MFSD12: variants seen among roughly 807,000 people sequenced by gnomAD.
The protein encoded by MFSD12 is major facilitator superfamily domain containing 12.
In MFSD12, 67 loss-of-function variants were observed where a neutral mutation model predicts 51.2. That is an observed-to-expected ratio of 1.31 (90% CI 1.08 to 1.60). The LOEUF is 1.60. MFSD12 is among the 40% of genes most tolerant of loss of function. MFSD12 has a pLI of 0.00. For synonymous variants in MFSD12, 441 were observed against 316.7 expected (o/e 1.39, Z -4.17); for missense variants, 921 against 673.0 (o/e 1.37, Z -4.08).
Position 3,544,819 on chromosome 19 carries a change from GCGGGT to G in MFSD12, c.1405_1409del (p.Thr469ProfsTer7). The G allele has an allele frequency of 1.9e-6, 3 of 1,612,478 alleles. No homozygotes were observed. Among genetic ancestry groups the G allele is most frequent in the Non-Finnish European group, 2.5e-6 (3 of 1,179,524 alleles). On this transcript the variant is annotated frameshift_variant, in exon 9 of 10. Transcript: ENST00000355415. LOFTEE classifies it high-confidence loss of function. ...TGGGCCAGGACTCACAGCGTCGCAGGCGGGTCGGCCACAGCAGGAGGCTACAGAGA... is the reference window on the plus strand; with the variant it reads ...TGGGCCAGGACTCACAGCGTCGCAGGCGGCCACAGCAGGAGGCTACAGAGA...
Position 3,546,121 on chromosome 19 carries a change from C to T in MFSD12, c.1242G>A (p.Val414=), listed in dbSNP as rs756246896. The change falls in exon 8 of 10, where the codon GTG becomes GTA. Residue 414 remains valine (V), a synonymous_variant. Coordinates refer to ENST00000355415, the MANE Select transcript of MFSD12 (RefSeq NM_174983.5). ...TGGCCATGACTGCCAGCCCATTGGC[C>T]ACCTTATCCAAGAAGCTCATGGAGC... The part of the protein sequence containing the change: ...VYGSMSFLDK[V]ANGLAVMAIQ... 4.9e-5 allele frequency: 79 copies of T among 1,613,244 alleles called. No homozygotes were observed. In the Admixed American group the frequency reaches 1.2e-3, roughly 25 times the overall value.
chr19:3,544,052 T>G (rs749305343), downstream of MFSD12: 1 of 1,493,102 alleles, frequency 6.7e-7, no homozygotes. Context: ...TGCACCCAGA[T>G]GAGGGGGCAC....
downstream of MFSD12, chr19:3,544,177 C>G (rs540339330): frequency 7.3e-6 from 10 of 1,369,606 alleles, no homozygotes; most frequent in South Asian, 1.9e-5. Flanking sequence ...AGAGCCCCCC[C>G]GCAGGCAGAC....
chr19:3,547,619 CG>C, intron 4 of MFSD12, 72 bp from the exon 5 acceptor site: 1 of 1,417,760 alleles, frequency 7.1e-7, no homozygotes, highest in Non-Finnish European at 9.7e-7. Context: ...CAGGGGGCAC[CG>C]GGGCCAGGGT....
chr19:3,547,145 G>A lies in MFSD12; in HGVS notation c.1023+127C>T, dbSNP rs1415700726. On this transcript the variant is annotated intron_variant, in intron 6 of 9. Transcript: ENST00000355415. ...GAGCCACCGTGCCCGGCCTAGATCT[G>A]GGGCTTCTACAAGGCGGGAACTCGG... The A allele has an allele frequency of 3.6e-6, 3 of 836,522 alleles. No individual in the cohort carries two copies. In the African/African-American group the frequency reaches 5.0e-5, roughly 14 times the overall value. The allele number at this position is 836,522 out of a possible 1,614,324, so 51.8% of individuals were successfully genotyped here. A position where few individuals can be genotyped will look rare whatever the true frequency, so the allele number is the denominator to read the frequency against.
At chr19:3,546,700 A>C (rs771283796) in intron 6 of MFSD12, among the ~76,000 whole-genome samples, 43 of 152,334 alleles carry the variant, frequency 2.8e-4, no homozygotes, top group Non-Finnish European at 3.4e-4. Context: ...GACTCGGCTC[A>C]GTCCCCACGG....
At position 3,551,622 on chromosome 19, in the gene MFSD12, T is replaced by C. The variant is rs2145211822; in HGVS notation, c.299-428A>G. Among the ~76,000 whole-genome samples the C allele has an allele frequency of 6.6e-6, 1 of 152,146 alleles. No individual in the cohort carries two copies. The highest frequency in any genetic ancestry group is 2.1e-4 in the South Asian group (1 of 4,822). ...CCTCATCAGCTCCTAAGGTGACCACTCCCTGGAATGCTGGGGCGTCCTGGC... is the reference window on the plus strand; with the variant it reads ...CCTCATCAGCTCCTAAGGTGACCACCCCCTGGAATGCTGGGGCGTCCTGGC... On this transcript the variant is annotated intron_variant, in intron 1 of 9. Transcript: ENST00000355415. This position sits in a 1 kb window ranked among gnomAD's most constrained non-coding sequence, Gnocchi z 4.6.
In MFSD12 at chr19:3,547,920, G is replaced by T. The variant is rs369923260; in HGVS notation, c.765C>A (p.Pro255=). The T allele has an allele frequency of 5.3e-5, 84 of 1,582,582 alleles. 1 individual carries two copies. The highest frequency in any genetic ancestry group is 6.0e-5 in the Non-Finnish European group (70 of 1,171,820). Residue 255 remains proline (P), a synonymous_variant, in exon 4 of 10, where the codon CCC becomes CCA. Transcript: ENST00000355415. ...PHAEEPGEHT[P]LLAPATAQPL... ...GCTGGGCCGTGGCAGGGGCCAACAGGGGGGTGTGCTCGCCTGGCTCCTCCG... is the reference window on the plus strand; with the variant it reads ...GCTGGGCCGTGGCAGGGGCCAACAGTGGGGTGTGCTCGCCTGGCTCCTCCG...
At position 3,547,228 on chromosome 19, in the gene MFSD12, A is replaced by AC. The variant is rs771861337; in HGVS notation, c.1023+43dup. On this transcript the variant is annotated intron_variant, in intron 6 of 9. Transcript: ENST00000355415. ...GCGGGTGGGATCTCGGCTGCAGGGC[A>AC]CCCCATCCTCCGCCCCAGCTGTCCC... 2.3e-5 allele frequency: 36 copies of AC among 1,540,892 alleles called. No homozygotes were observed. The South Asian group carries it at 4.0e-4, about 17-fold the overall frequency.
intron 1 of MFSD12, among the ~76,000 whole-genome samples, chr19:3,555,555 AC>A (rs2031688784): frequency 6.6e-6 from 1 of 152,260 alleles, no homozygotes; most frequent in African/African-American, 2.4e-5. Context: ...CGCCTCAGGT[AC>A]CCCAGGAATA....
At chr19:3,539,402 A>G, downstream of MFSD12, 1 of 604,340 alleles carries the variant, frequency 1.7e-6, no homozygotes, top group Non-Finnish European at 3.0e-6. Context: ...CGTCCCCTCC[A>G]GCTCTTCCTG....
downstream of MFSD12, among the ~76,000 whole-genome samples, chr19:3,540,579 A>C (rs2030304914): frequency 6.6e-6 from 1 of 151,722 alleles, no homozygotes; most frequent in Non-Finnish European, 1.5e-5. Flanking sequence ...TCTATAAAAA[A>C]TTTAAAAATC....
At chr19:3,556,392 G>T (rs1216643170) in intron 1 of MFSD12, among the ~76,000 whole-genome samples, 1 of 152,238 alleles carries the variant, frequency 6.6e-6, no homozygotes, top group Non-Finnish European at 1.5e-5. Context: ...GTCAGATGGT[G>T]AGGGCCCCGC....
chr19:3,547,438 C>G lies in MFSD12; in HGVS notation c.930+17G>C. ...TGGGGCCGTCCCATCCCAGCGTCCC[C>G]GCCCCAATCTGCTCACCTTGGGCAG... On this transcript the variant is annotated intron_variant, in intron 5 of 9. Coordinates refer to ENST00000355415, the MANE Select transcript of MFSD12 (RefSeq NM_174983.5). 1 of 1,612,316 alleles carries G rather than the reference C, an allele frequency of 6.2e-7. No homozygotes were observed. The highest frequency in any genetic ancestry group is 2.2e-5 in the East Asian group (1 of 44,848).
rs1246249030 is a variant in MFSD12, at chr19:3,546,069, C to A, written c.1289+5G>T. On this transcript the variant is annotated splice_donor_5th_base_variant and intron_variant, in intron 8 of 9. Coordinates refer to ENST00000355415, the MANE Select transcript of MFSD12 (RefSeq NM_174983.5). ...AAGAATGAATGAACGAACAGCGGCA[C>A]TCACGGGCAAGGGTGCAGGCTCTGG... 6.2e-7 allele frequency: 1 copy of A among 1,613,162 alleles called. No homozygotes were observed. Among genetic ancestry groups the A allele is most frequent in the South Asian group, 1.1e-5 (1 of 91,080 alleles).
At chr19:3,542,324 G>T, downstream of MFSD12, 1 of 985,398 alleles carries the variant, frequency 1.0e-6, no homozygotes. Flanking sequence ...TTCCTGCCAT[G>T]AGAGCTGGAA....
chr19:3,544,932 GCT>G lies in MFSD12; in HGVS notation c.1295_1296del (p.Glu432AlafsTer31), dbSNP rs2030847412. 1 of 1,607,944 alleles carries G rather than the reference GCT, an allele frequency of 6.2e-7. No homozygotes were observed. Among genetic ancestry groups the G allele is most frequent in the Non-Finnish European group, 8.5e-7 (1 of 1,178,340 alleles). ...AIQSLHPCPS[E>X]LCCRACVSFY... The stretch of plus-strand genomic sequence containing the variant: ...AAGCTCACGCAGGCCCTGCAGCAGA[GCT>G]CTGAGCTGTGGGAGGAGGCGGGGGA... On this transcript the variant is annotated frameshift_variant, in exon 9 of 10. Coordinates refer to ENST00000355415, the MANE Select transcript of MFSD12 (RefSeq NM_174983.5). LOFTEE classifies it high-confidence loss of function.
chr19:3,539,592 T>TGCAGCCATGAAAAAGAAGAGTGAAAGCC (rs2030191406), downstream of MFSD12: 1 of 320,638 alleles, frequency 3.1e-6, no homozygotes, highest in African/African-American at 2.1e-5. Context: ...GCTGAGAGAG[T>TGCAGCCATGAAAAAGAAGAGTGAAAGCC]CTGTCCCACA....
At chr19:3,540,458 A>G (rs187811640), downstream of MFSD12, among the ~76,000 whole-genome samples, 73 of 150,396 alleles carry the variant, frequency 4.9e-4, 1 homozygote, top group Middle Eastern at 3.4e-3. Flanking sequence ...GGGTTTCACC[A>G]TGTTGGCCAG....
Sources: gnomAD v4.1 joint callset for allele counts (sites outside exome capture counted in the v4.1 genomes callset) on GRCh38, gnomAD v4.1.1 for gene constraint, Gnocchi (gnomAD v3.1) non-coding constraint, MANE v1.5 for transcripts, NCBI Gene and HGNC (gene_info 2026-07-23, HGNC 2026-07-21) for gene names.